TDG: variants seen among roughly 807,000 people sequenced by gnomAD.
TDG encodes the protein thymine DNA glycosylase.
Under a neutral mutation model 46.1 loss-of-function variants are expected in TDG, and 23 were observed. The observed-to-expected ratio is 0.50, with a 90% CI of 0.36 to 0.71. The LOEUF (loss-of-function observed/expected upper bound fraction) is 0.71. Among genes scored for constraint, TDG ranks in the 30% least tolerant of loss-of-function variants. TDG has a pLI of 0.00. For synonymous variants in TDG, 115 were observed against 161.3 expected (o/e 0.71, Z 2.18); for missense variants, 304 against 486.7 (o/e 0.62, Z 3.53).
intron 1 of TDG, among the ~76,000 whole-genome samples, chr12:103,969,051 A>T (rs7300247): frequency 0.027 from 4,154 of 152,288 alleles, 180 homozygotes; most frequent in African/African-American, 0.094. Context: ...CAAGACCTAT[A>T]CTAGACAGGC....
chr12:103,980,441 C>G (rs944133473), intron 3 of TDG: 9 of 229,926 alleles, frequency 3.9e-5, no homozygotes, highest in Non-Finnish European at 6.8e-5. Context: ...AGACCTGATA[C>G]ATGGCAGCAC....
chr12:103,976,405 TCC>T (rs1012196700), intron 1 of TDG, among the ~76,000 whole-genome samples: 6 of 134,434 alleles, frequency 4.5e-5, no homozygotes, highest in Non-Finnish European at 6.2e-5. Context: ...AGACCCTGTC[TCC>T]CCACACACAC....
intron 1 of TDG, 62 bp downstream of exon 1, chr12:103,966,122 C>T: frequency 1.6e-6 from 2 of 1,285,980 alleles, no homozygotes; most frequent in Non-Finnish European, 2.0e-6. Context: ...GGCTGGCTGG[C>T]GCGCGCGCGC....
intron 1 of TDG, among the ~76,000 whole-genome samples, chr12:103,970,430 A>G (rs1194488569): frequency 6.6e-6 from 1 of 152,216 alleles, no homozygotes. Flanking sequence ...GTGAGCTATG[A>G]TAGCACCACT....
chr12:103,982,897 G>A lies in TDG; in HGVS notation c.577G>A (p.Val193Met), dbSNP rs778375316. Residue 193 changes from valine (V) to methionine (M), a missense_variant, in exon 5 of 10, where the codon GTG (valine) becomes ATG (methionine). Val to Met is a conservative substitution (Grantham distance 21). Coordinates refer to ENST00000392872, the MANE Select transcript of TDG (RefSeq NM_003211.6). The stretch of plus-strand genomic sequence containing the variant: ...GTATGGTATTGGATTTACCAACATG[G>A]TGGAAAGGACCACGCCCGGCAGCAA... The part of the protein sequence containing the change: ...GKYGIGFTNM[V>M]ERTTPGSKDL... 1 of 1,614,212 alleles carries A rather than the reference G, an allele frequency of 6.2e-7. No individual in the cohort carries two copies.
intron 1 of TDG, 112 bp from the exon 2 acceptor site, chr12:103,976,806 A>C: frequency 7.7e-7 from 1 of 1,292,832 alleles, no homozygotes; most frequent in South Asian, 1.3e-5. Flanking sequence ...TAAATACTTC[A>C]GTCTGGTTAC....
intron 1 of TDG, among the ~76,000 whole-genome samples, chr12:103,967,125 T>G (rs1402329703): frequency 6.6e-6 from 1 of 152,236 alleles, no homozygotes; most frequent in Non-Finnish European, 1.5e-5. Context: ...AATCTCTCTC[T>G]CATAACCTCA....
intron 2 of TDG, among the ~76,000 whole-genome samples, chr12:103,977,365 C>CA (rs2136236859): frequency 6.6e-6 from 1 of 152,320 alleles, no homozygotes; most frequent in South Asian, 2.1e-4. Flanking sequence ...GCTTCTAACT[C>CA]AGACTGATGG....
intron 3 of TDG, chr12:103,980,424 C>T: frequency 4.0e-6 from 1 of 249,606 alleles, no homozygotes; most frequent in Non-Finnish European, 7.6e-6. Flanking sequence ...CTGAATGATG[C>T]CTGTGGAGAC....
intron 7 of TDG, among the ~76,000 whole-genome samples, chr12:103,983,687 G>T (rs1871976041): frequency 1.3e-5 from 2 of 152,192 alleles, no homozygotes; most frequent in South Asian, 4.1e-4. Context: ...GCATGTAGTT[G>T]TCAAATTCAA....
intron 1 of TDG, among the ~76,000 whole-genome samples, chr12:103,974,113 C>T (rs554023469): frequency 7.9e-5 from 12 of 152,186 alleles, no homozygotes; most frequent in Admixed American, 3.3e-4. Flanking sequence ...TTAGCCCAGC[C>T]GCTGGGGGTG....
intron 3 of TDG, 66 bp downstream of exon 3, chr12:103,980,138 T>G (rs1483982594): frequency 1.3e-6 from 2 of 1,592,206 alleles, no homozygotes; most frequent in Non-Finnish European, 1.7e-6. Flanking sequence ...TTAACAGTTG[T>G]CCTTGCAAAT....
At chr12:103,985,141 ATGTG>A (rs4135125) in intron 8 of TDG, among the ~76,000 whole-genome samples, 10,071 of 146,972 alleles carry the variant, frequency 0.069, 502 homozygotes, top group Non-Finnish European at 0.1. Context: ...GCGTATACAT[ATGTG>A]TGTGTCTATA....
At chr12:103,977,785 C>G (rs528255736) in intron 2 of TDG, among the ~76,000 whole-genome samples, 1 of 152,200 alleles carries the variant, frequency 6.6e-6, no homozygotes, top group African/African-American at 2.4e-5. Flanking sequence ...GGAGGCAGGC[C>G]GGGCACAGTG....
chr12:103,966,935 G>A (rs3763995), intron 1 of TDG, among the ~76,000 whole-genome samples: 13,464 of 152,114 alleles, frequency 0.089, 784 homozygotes, highest in East Asian at 0.31. Flanking sequence ...CTGACATGCC[G>A]AGAATTGGTG....
At chr12:103,985,900 C>T (rs1407803373) in intron 9 of TDG, among the ~76,000 whole-genome samples, 172 bp downstream of exon 9, 2 of 152,048 alleles carry the variant, frequency 1.3e-5, no homozygotes. Context: ...ATTACACAGA[C>T]TTTTACAGTA....
At chr12:103,985,781 G>T in intron 9 of TDG, 53 bp downstream of exon 9, 1 of 1,441,030 alleles carries the variant, frequency 6.9e-7, no homozygotes, top group South Asian at 1.6e-5. Flanking sequence ...GGTCAGGATT[G>T]GGGGGAAAAT....
chr12:103,981,027 A>T, intron 4 of TDG, 65 bp downstream of exon 4: 2 of 1,405,064 alleles, frequency 1.4e-6, no homozygotes, highest in Non-Finnish European at 2.0e-6. Context: ...AGGTTTTTTC[A>T]GAAAAACCAA....
chr12:103,973,041 G>A, intron 1 of TDG: 1 of 696,254 alleles, frequency 1.4e-6, no homozygotes, highest in Admixed American at 2.0e-5. Flanking sequence ...GTGGTAGGTA[G>A]ATTGCCTTCC....
Sources: gnomAD v4.1 joint callset for allele counts (sites outside exome capture counted in the v4.1 genomes callset) on GRCh38, gnomAD v4.1.1 for gene constraint, MANE v1.5 for transcripts, NCBI Gene and HGNC (gene_info 2026-07-23, HGNC 2026-07-21) for gene names.